DACH1: variants seen among roughly 807,000 people sequenced by gnomAD.
DACH1 encodes the protein dachshund family transcription factor 1.
Under a neutral mutation model 54.2 loss-of-function variants are expected in DACH1, and 12 were observed. The ratio of observed to expected loss-of-function variants is 0.22; its 90% CI spans 0.14 to 0.36. DACH1 has a LOEUF of 0.36. Among genes scored for constraint, DACH1 ranks in the 10% least tolerant of loss-of-function variants. The probability of loss-of-function intolerance (pLI) is 1.00; values close to 1 mark genes in which losing one functional copy is unlikely to be tolerated. For synonymous variants in DACH1, 386 were observed against 366.2 expected (o/e 1.05, Z -0.62); for missense variants, 805 against 929.8 (o/e 0.87, Z 1.75).
intron 1 of DACH1, among the ~76,000 whole-genome samples, chr13:71,779,261 A>ATG (rs1239225981): frequency 2.2e-4 from 15 of 67,600 alleles, no homozygotes; most frequent in East Asian, 1.3e-3. Context: ...ATACGTATAT[A>ATG]TGTGTATATA....
intron 1 of DACH1, among the ~76,000 whole-genome samples, chr13:71,690,369 A>G (rs1881413607): frequency 6.6e-6 from 1 of 152,178 alleles, no homozygotes; most frequent in Non-Finnish European, 1.5e-5. Flanking sequence ...AGAAAGCTAA[A>G]TATTTTTAAC....
rs1882113253 is a variant in DACH1 at position 71,701,053 on chromosome 13, C to A, written c.849-19143G>T. 2.0e-5 allele frequency among the ~76,000 whole-genome samples: 3 copies of A among 152,228 alleles called. No homozygotes were observed. In the South Asian group the frequency reaches 6.2e-4, roughly 32 times the overall value. On this transcript the variant is annotated intron_variant, in intron 1 of 10. Coordinates refer to ENST00000613252, the MANE Select transcript of DACH1 (RefSeq NM_080759.6). ...GACTTGCTAATAAAATTTTATCAATCCTCCCTGATCTTAAAGCATAAGTAG... is the reference window on the plus strand; with the variant it reads ...GACTTGCTAATAAAATTTTATCAATACTCCCTGATCTTAAAGCATAAGTAG...
intron 2 of DACH1, among the ~76,000 whole-genome samples, chr13:71,676,880 C>T (rs997669754): frequency 6.6e-6 from 1 of 152,066 alleles, no homozygotes; most frequent in Non-Finnish European, 1.5e-5. Flanking sequence ...TATATGTCTA[C>T]AAGATCACAG....
intron 10 of DACH1, among the ~76,000 whole-genome samples, chr13:71,472,282 G>A (rs1051600284): frequency 6.6e-6 from 1 of 152,142 alleles, no homozygotes; most frequent in East Asian, 1.9e-4. Context: ...AATTATTTAG[G>A]GCTTCTTTCT....
intron 5 of DACH1, among the ~76,000 whole-genome samples, chr13:71,558,291 T>A (rs1258452761): frequency 6.6e-6 from 1 of 151,982 alleles, no homozygotes; most frequent in African/African-American, 2.4e-5. Flanking sequence ...TTTGAAAATT[T>A]TCTGTTAGTC....
chr13:71,448,458 G>C (rs1358464682), intron 10 of DACH1, among the ~76,000 whole-genome samples: 2 of 152,210 alleles, frequency 1.3e-5, no homozygotes, highest in Non-Finnish European at 2.9e-5. Flanking sequence ...AACAGGAACA[G>C]ATGGGAAGGA....
intron 1 of DACH1, among the ~76,000 whole-genome samples, chr13:71,747,696 T>C (rs1474051587): frequency 2.6e-5 from 4 of 152,140 alleles, no homozygotes; most frequent in African/African-American, 9.7e-5. Context: ...CACTACATGT[T>C]TGTTTTAGAT....
At chr13:71,563,729 T>C (rs550105719) in intron 4 of DACH1, among the ~76,000 whole-genome samples, 8 of 151,812 alleles carry the variant, frequency 5.3e-5, no homozygotes, top group African/African-American at 1.7e-4. Context: ...TCAGTAAATA[T>C]GTATAAGTAA....
rs1469861441 is a variant in DACH1, at chr13:71,587,159, T to C, written c.1127-14147A>G. 7.9e-5 allele frequency among the ~76,000 whole-genome samples: 12 copies of C among 152,236 alleles called. No individual in the cohort carries two copies. The East Asian group carries it at 2.3e-3, about 29-fold the overall frequency. On this transcript the variant is annotated intron_variant, in intron 3 of 10. Transcript: ENST00000613252. ...TTGTCCTTTATGTATAAAATATAGT[T>C]TGTGTTTGTTGCACAAGTTTTTAAT... is the stretch of plus-strand genomic sequence containing the variant.
intron 3 of DACH1, 81 bp downstream of exon 3, chr13:71,630,475 A>C: frequency 6.9e-7 from 1 of 1,454,958 alleles, no homozygotes; most frequent in Non-Finnish European, 9.0e-7. Context: ...ATGGGTAGCC[A>C]ACAGTTTTGT....
At chr13:71,765,837 T>C (rs1885595508) in intron 1 of DACH1, among the ~76,000 whole-genome samples, 1 of 151,880 alleles carries the variant, frequency 6.6e-6, no homozygotes, top group Non-Finnish European at 1.5e-5. Context: ...ACAGAGTCGG[T>C]CTAAATCTAA....
chr13:71,867,148 T>A lies in DACH1; in HGVS notation c.-379A>T, dbSNP rs1874889233. On this transcript the variant is annotated 5_prime_UTR_variant, in exon 1 of 11. Transcript: ENST00000613252. ...AAGGATGAAGGTGAAAAGGAGGAGG[T>A]TTGAAGGACTTGGGCTCTCCCTGGC... 2 of 174,298 alleles carry A rather than the reference T, an allele frequency of 1.1e-5. No individual in the cohort carries two copies. Among genetic ancestry groups the A allele is most frequent in the Non-Finnish European group, 1.2e-5 (1 of 83,770 alleles). The allele number at this position is 174,298 out of a possible 1,614,324, so 10.8% of individuals were successfully genotyped here.
intron 3 of DACH1, among the ~76,000 whole-genome samples, chr13:71,583,556 T>A (rs1341587964): frequency 1.3e-5 from 2 of 152,072 alleles, no homozygotes; most frequent in Non-Finnish European, 2.9e-5. Context: ...AATAAGTATC[T>A]CCATGGTCAG....
chr13:71,712,484 T>C (rs1396244126), intron 1 of DACH1, among the ~76,000 whole-genome samples: 1 of 152,222 alleles, frequency 6.6e-6, no homozygotes, highest in African/African-American at 2.4e-5. Context: ...TAAACTACAT[T>C]GCATTGACCT....
intron 10 of DACH1, among the ~76,000 whole-genome samples, chr13:71,466,627 G>A (rs1379083379): frequency 6.6e-6 from 1 of 152,024 alleles, no homozygotes; most frequent in African/African-American, 2.4e-5. Context: ...TGGATCGCTT[G>A]AGCTCAGGAG....
intron 1 of DACH1, among the ~76,000 whole-genome samples, chr13:71,734,066 C>A (rs1015149432): frequency 3.3e-5 from 5 of 151,124 alleles, no homozygotes; most frequent in East Asian, 1.9e-4. Context: ...AAAATAAAAT[C>A]AAAATAAAAA....
At chr13:71,665,720 AAATTC>A (rs1281199583) in intron 2 of DACH1, among the ~76,000 whole-genome samples, 1 of 152,070 alleles carries the variant, frequency 6.6e-6, no homozygotes, top group African/African-American at 2.4e-5. Flanking sequence ...TATCAATGAA[AAATTC>A]AATTCATCTT....
chr13:71,563,804 C>T (rs1884741121), intron 4 of DACH1, among the ~76,000 whole-genome samples: 1 of 151,244 alleles, frequency 6.6e-6, no homozygotes, highest in Admixed American at 6.6e-5. Flanking sequence ...TGTTCAAGAA[C>T]AAAGGATACA....
chr13:71,777,701 T>A (rs956600488), intron 1 of DACH1, among the ~76,000 whole-genome samples: 19 of 152,130 alleles, frequency 1.2e-4, no homozygotes, highest in Non-Finnish European at 2.1e-4. Flanking sequence ...CTAGTTTGGA[T>A]TTCTACTGGA....
Sources: gnomAD v4.1 joint callset for allele counts (sites outside exome capture counted in the v4.1 genomes callset) on GRCh38, gnomAD v4.1.1 for gene constraint, MANE v1.5 for transcripts, NCBI Gene and HGNC (gene_info 2026-07-23, HGNC 2026-07-21) for gene names.